LHFPL3: variants seen among roughly 807,000 people sequenced by gnomAD.
LHFPL3 encodes LHFPL tetraspan subfamily member 3 protein.
A neutral mutation model predicts 19.3 loss-of-function variants in LHFPL3; 5 were observed. The ratio of observed to expected loss-of-function variants is 0.26; its 90% CI spans 0.14 to 0.54. LHFPL3 has a LOEUF of 0.54. Ranked by LOEUF, LHFPL3 falls within the 20% of genes least tolerant of loss-of-function variation. LHFPL3 has a pLI of 0.94. For synonymous variants in LHFPL3, 133 were observed against 126.2 expected, an observed-to-expected ratio of 1.05 and a Z score of -0.36; for missense variants, 249 against 307.4, an observed-to-expected ratio of 0.81 and a Z score of 1.42.
intron 1 of LHFPL3, among the ~76,000 whole-genome samples, chr7:104,666,565 A>AGGCTGGAG (rs1219722087): frequency 2.1e-5 from 2 of 93,184 alleles, no homozygotes; most frequent in Non-Finnish European, 4.0e-5. Flanking sequence ...TCTGTCGCCC[A>AGGCTGGAG]GGCTGGAGTG....
chr7:104,851,376 T>A (rs1275119190), intron 2 of LHFPL3, among the ~76,000 whole-genome samples: 3 of 152,176 alleles, frequency 2.0e-5, no homozygotes, highest in African/African-American at 7.2e-5. Context: ...GAGGTATCTC[T>A]AGGCTGTGAG....
intron 1 of LHFPL3, among the ~76,000 whole-genome samples, chr7:104,542,448 G>A (rs1794503546): frequency 6.6e-6 from 1 of 152,142 alleles, no homozygotes; most frequent in Non-Finnish European, 1.5e-5. Context: ...TGTGGGGACT[G>A]TTATCCAAAA....
At chr7:104,379,332 G>T (rs1165637650) in intron 1 of LHFPL3, among the ~76,000 whole-genome samples, 2 of 152,178 alleles carry the variant, frequency 1.3e-5, no homozygotes, top group African/African-American at 4.8e-5. Context: ...CCTCGGCACA[G>T]ATCAGCCTGA....
intron 1 of LHFPL3, among the ~76,000 whole-genome samples, chr7:104,557,507 A>G (rs1383449541): frequency 1.3e-5 from 2 of 152,126 alleles, no homozygotes; most frequent in Non-Finnish European, 2.9e-5. Context: ...TAATTCAATC[A>G]TCTCACACAG....
Position 104,886,912 on chromosome 7 carries a change from TCCCGGGGTC to T in LHFPL3, c.683-19262_683-19254del, listed in dbSNP as rs1185369055. Among the ~76,000 whole-genome samples, 7 of 152,304 alleles carry T rather than the reference TCCCGGGGTC, an allele frequency of 4.6e-5. No homozygotes were observed. The South Asian group carries it at 1.2e-3, about 27-fold the overall frequency. On this transcript the variant is annotated intron_variant, in intron 2 of 2. Transcript: ENST00000424859. ...AATCACATTAAAACTCTTTAAGTCC[TCCCGGGGTC>T]CCCGGGGTCCCCAGGGTCAAGGGAA...
intron 1 of LHFPL3, among the ~76,000 whole-genome samples, chr7:104,370,155 A>C (rs569650554): frequency 1.3e-5 from 2 of 152,314 alleles, no homozygotes; most frequent in South Asian, 2.1e-4. Context: ...AAATGATAAA[A>C]TTTAGAAGCT....
chr7:104,657,385 T>C (rs73181832), intron 1 of LHFPL3, among the ~76,000 whole-genome samples: 6,687 of 152,310 alleles, frequency 0.044, 194 homozygotes, highest in East Asian at 0.13. Context: ...AAAGGCCAAG[T>C]CCAAGTTTGA....
chr7:104,845,843 T>C (rs765386088), intron 2 of LHFPL3, among the ~76,000 whole-genome samples: 4 of 152,250 alleles, frequency 2.6e-5, no homozygotes, highest in Non-Finnish European at 5.9e-5. Flanking sequence ...TATGCAGTGT[T>C]CTCTGGGGCC....
intron 1 of LHFPL3, among the ~76,000 whole-genome samples, chr7:104,727,376 G>A (rs578051982): frequency 5.0e-4 from 76 of 152,158 alleles, no homozygotes; most frequent in South Asian, 1.9e-3. Flanking sequence ...TGTTTTTGAC[G>A]TTTTCCTCAT....
At chr7:104,700,934 G>A (rs1375652742) in intron 1 of LHFPL3, among the ~76,000 whole-genome samples, 1 of 152,010 alleles carries the variant, frequency 6.6e-6, no homozygotes, top group East Asian at 1.9e-4. Context: ...CAGTAACCAG[G>A]GACCTCCTTT....
At chr7:104,768,690 T>G (rs1451906933) in intron 2 of LHFPL3, 1 of 152,210 alleles carries the variant, frequency 6.6e-6, no homozygotes, top group African/African-American at 2.4e-5. Flanking sequence ...TTGACTTTTA[T>G]TTCCAGGAAC....
At chr7:104,832,411 G>A (rs1213845785) in intron 2 of LHFPL3, among the ~76,000 whole-genome samples, 1 of 151,858 alleles carries the variant, frequency 6.6e-6, no homozygotes, top group African/African-American at 2.4e-5. Flanking sequence ...AGAGGAGAGA[G>A]ATTTTTTTCA....
intron 1 of LHFPL3, among the ~76,000 whole-genome samples, chr7:104,394,698 C>T (rs1273819428): frequency 4.0e-5 from 6 of 151,138 alleles, no homozygotes; most frequent in African/African-American, 1.5e-4. Flanking sequence ...AATTGCTAGT[C>T]GTCATTTTCT....
chr7:104,886,999 T>G (rs1367797379), intron 2 of LHFPL3, among the ~76,000 whole-genome samples: 1 of 152,224 alleles, frequency 6.6e-6, no homozygotes, highest in Non-Finnish European at 1.5e-5. Context: ...AACATTTAAC[T>G]GTGGATTTGG....
intron 1 of LHFPL3, among the ~76,000 whole-genome samples, chr7:104,465,825 T>C (rs1792772008): frequency 6.6e-6 from 1 of 152,242 alleles, no homozygotes; most frequent in Admixed American, 6.5e-5. Flanking sequence ...AATTTCATTA[T>C]TCACCTAAAA....
intron 1 of LHFPL3, among the ~76,000 whole-genome samples, chr7:104,724,331 T>A (rs73415649): frequency 0.021 from 3,262 of 152,158 alleles, 134 homozygotes; most frequent in African/African-American, 0.073. Flanking sequence ...AGAAACAGAA[T>A]AAAACAGCCA....
chr7:104,359,807 C>T (rs1322826076), intron 1 of LHFPL3, among the ~76,000 whole-genome samples: 3 of 152,256 alleles, frequency 2.0e-5, no homozygotes, highest in Admixed American at 6.5e-5. Flanking sequence ...TGCTGGCATG[C>T]TCCAGTCGGG....
intron 1 of LHFPL3, among the ~76,000 whole-genome samples, chr7:104,563,911 A>G (rs1332728121): frequency 6.6e-6 from 1 of 152,264 alleles, no homozygotes; most frequent in African/African-American, 2.4e-5. Flanking sequence ...GCCATTAAAT[A>G]ATAGCTTAAT....
chr7:104,518,734 A>C (rs1460366457), intron 1 of LHFPL3, among the ~76,000 whole-genome samples: 1 of 152,138 alleles, frequency 6.6e-6, no homozygotes, highest in Admixed American at 6.6e-5. Flanking sequence ...CAGTGAGCTG[A>C]GATTACACCA....
Sources: gnomAD v4.1 joint callset for allele counts (sites outside exome capture counted in the v4.1 genomes callset) on GRCh38, gnomAD v4.1.1 for gene constraint, MANE v1.5 for transcripts, NCBI Gene and HGNC (gene_info 2026-07-23, HGNC 2026-07-21) for gene names.